MED12L: variants seen among roughly 807,000 people sequenced by gnomAD.
MED12L encodes mediator complex subunit 12L, also known as mediator of RNA polymerase II transcription subunit 12-like protein.
MED12L carries 60 observed loss-of-function variants against 281.3 expected under a neutral mutation model. That is an observed-to-expected ratio of 0.21 (90% CI 0.17 to 0.26). MED12L has a LOEUF of 0.26. Ranked by LOEUF, MED12L falls within the 10% of genes least tolerant of loss-of-function variation. MED12L has a pLI of 1.00. For missense variants in MED12L, 2,146 were observed against 2,680.9 expected (o/e 0.80, Z 4.41); for synonymous variants, 974 against 987.2 (o/e 0.99, Z 0.25).
In MED12L at chr3:151,365,147, C is replaced by A. The variant is rs143538723; in HGVS notation, c.3126C>A (p.Arg1042=). The part of the protein sequence containing the change: ...GKILSDNAAN[R]YSFVCNTLMN... ...TCCTCAGTGACAATGCGGCCAATCGCTACAGCTTTGTCTGCAATACACTCA... is the reference window on the plus strand; with the variant it reads ...TCCTCAGTGACAATGCGGCCAATCGATACAGCTTTGTCTGCAATACACTCA... The change falls in exon 22 of 45, where the codon CGC becomes CGA. Residue 1042 remains arginine, a synonymous_variant. Coordinates refer to ENST00000687756, the MANE Select transcript of MED12L (RefSeq NM_001393769.1). The A allele has an allele frequency of 2.5e-6, 4 of 1,613,934 alleles. No homozygotes were observed. In the African/African-American group the frequency reaches 4.0e-5, roughly 16 times the overall value.
At chr3:151,336,758 A>C (rs1343238643) in intron 16 of MED12L, 1 of 313,776 alleles carries the variant, frequency 3.2e-6, no homozygotes, top group Non-Finnish European at 6.3e-6. Flanking sequence ...TGTTGGCATT[A>C]ATTCTTAAAT....
intron 16 of MED12L, among the ~76,000 whole-genome samples, chr3:151,232,945 A>G (rs750881254): frequency 2.6e-5 from 4 of 152,196 alleles, no homozygotes; most frequent in Admixed American, 2.0e-4. Flanking sequence ...ATTGTTTAAA[A>G]CCATCATCTG....
At chr3:151,336,504 T>C in intron 16 of MED12L, 1 of 456,480 alleles carries the variant, frequency 2.2e-6, no homozygotes, top group South Asian at 1.6e-5. Flanking sequence ...GCATTATATT[T>C]AGGTATTGAT....
chr3:151,387,681 G>T, intron 36 of MED12L, 129 bp from the exon 37 acceptor site: 5 of 1,053,648 alleles, frequency 4.7e-6, no homozygotes, highest in Non-Finnish European at 6.9e-6. Flanking sequence ...AACCCTCTCT[G>T]CTGTATTCTC....
intron 38 of MED12L, among the ~76,000 whole-genome samples, chr3:151,392,514 T>A (rs543431780): frequency 5.4e-5 from 8 of 149,168 alleles, no homozygotes; most frequent in Admixed American, 4.0e-4. Context: ...ATAAATAAAT[T>A]TTGAAAAAAA....
intron 28 of MED12L, 77 bp downstream of exon 28, chr3:151,376,291 T>A: frequency 8.6e-7 from 1 of 1,162,658 alleles, no homozygotes. Context: ...TCCTCTCTTT[T>A]TTTGTCCTTG....
intron 8 of MED12L, among the ~76,000 whole-genome samples, chr3:151,160,557 G>T (rs950112045): frequency 6.6e-6 from 1 of 152,160 alleles, no homozygotes; most frequent in African/African-American, 2.4e-5. Context: ...GTAACATGCT[G>T]GTTGCTGGGC....
Position 151,390,151 on chromosome 3 carries a change from G to A in MED12L, c.5608+16G>A. ...CTTACTCCAGGTATGTGATGAGAAAGCACAGATCACTCAGAGATGAGAAAC... is the reference window on the plus strand; with the variant it reads ...CTTACTCCAGGTATGTGATGAGAAAACACAGATCACTCAGAGATGAGAAAC... On this transcript the variant is annotated intron_variant, in intron 38 of 44. Transcript: ENST00000687756. 6.2e-7 allele frequency: 1 copy of A among 1,613,230 alleles called. No homozygotes were observed. Among genetic ancestry groups the A allele is most frequent in the Non-Finnish European group, 8.5e-7 (1 of 1,179,330 alleles).
intron 16 of MED12L, among the ~76,000 whole-genome samples, chr3:151,242,366 A>C (rs1029153269): frequency 1.3e-5 from 2 of 152,236 alleles, no homozygotes; most frequent in African/African-American, 4.8e-5. Flanking sequence ...GCAGACTTAA[A>C]TGTCCCTGTC....
At chr3:151,255,497 C>G (rs1264070628) in intron 16 of MED12L, among the ~76,000 whole-genome samples, 2 of 152,026 alleles carry the variant, frequency 1.3e-5, no homozygotes, top group Non-Finnish European at 2.9e-5. Flanking sequence ...AAATGCCCAC[C>G]AACTTTGGTT....
chr3:151,316,421 TG>T (rs1309318201), intron 16 of MED12L: 10 of 152,356 alleles, frequency 6.6e-5, no homozygotes, highest in Admixed American at 2.0e-4. Flanking sequence ...TGGAAACAGT[TG>T]AAGCTTCATG....
chr3:151,375,291 A>G (rs1756691055), intron 27 of MED12L, among the ~76,000 whole-genome samples: 1 of 152,252 alleles, frequency 6.6e-6, no homozygotes, highest in South Asian at 2.1e-4. Context: ...GTTAAAAAAC[A>G]GACTTCACCC....
intron 12 of MED12L, among the ~76,000 whole-genome samples, chr3:151,187,265 A>G (rs151039155): frequency 3.2e-4 from 48 of 152,316 alleles, no homozygotes; most frequent in African/African-American, 1.1e-3. Context: ...AAATTTCCCA[A>G]ATATTTCATT....
At chr3:151,321,072 G>A (rs748747114) in intron 16 of MED12L, among the ~76,000 whole-genome samples, 7 of 152,196 alleles carry the variant, frequency 4.6e-5, no homozygotes, top group Non-Finnish European at 1.0e-4. Context: ...GAGAGCAAGC[G>A]AATGAATGGG....
intron 2 of MED12L, among the ~76,000 whole-genome samples, chr3:151,106,342 C>CCCTTT (rs141445323): frequency 8.1e-5 from 10 of 123,518 alleles, no homozygotes; most frequent in East Asian, 3.4e-4. Flanking sequence ...CCCTCCCCTC[C>CCCTTT]CCTTTCCTTT....
chr3:151,297,184 A>G (rs975665836), intron 16 of MED12L, among the ~76,000 whole-genome samples: 3 of 152,206 alleles, frequency 2.0e-5, no homozygotes, highest in Non-Finnish European at 2.9e-5. Context: ...GCAGCCATCT[A>G]TATCACTGCT....
chr3:151,156,315 A>G lies in MED12L; in HGVS notation c.711A>G (p.Ala237=). 6.2e-7 allele frequency: 1 copy of G among 1,607,224 alleles called. No homozygotes were observed. The highest frequency in any genetic ancestry group is 1.1e-5 in the South Asian group (1 of 89,598). Residue 237 remains alanine, a synonymous_variant, in exon 6 of 45, where the codon GCA becomes GCG. Coordinates refer to ENST00000687756, the MANE Select transcript of MED12L (RefSeq NM_001393769.1). Reference sequence around the variant, plus strand: ...AATGGGAATACAACGAAAAGCTAGCATTTCACATGTTCCAGGTAACCTTTT... The same window carrying G: ...AATGGGAATACAACGAAAAGCTAGCGTTTCACATGTTCCAGGTAACCTTTT... ...MKQWEYNEKL[A]FHMFQEGMLE... is the part of the protein sequence containing the mutation.
intron 16 of MED12L, among the ~76,000 whole-genome samples, chr3:151,231,007 T>TA (rs1559909540): frequency 6.6e-6 from 1 of 152,126 alleles, no homozygotes; most frequent in Admixed American, 6.5e-5. Context: ...TAGGAAATGC[T>TA]AAAAAAGGAC....
chr3:151,162,391 T>A (rs1332791533), intron 8 of MED12L, among the ~76,000 whole-genome samples: 1 of 152,126 alleles, frequency 6.6e-6, no homozygotes, highest in Non-Finnish European at 1.5e-5. Flanking sequence ...AGAGTTTATT[T>A]TTTTTATTTT....
Sources: gnomAD v4.1 joint callset for allele counts (sites outside exome capture counted in the v4.1 genomes callset) on GRCh38, gnomAD v4.1.1 for gene constraint, MANE v1.5 for transcripts, NCBI Gene and HGNC (gene_info 2026-07-23, HGNC 2026-07-21) for gene names.